Variants in KIAA1217 observed in about 807,000 individuals in gnomAD.
The protein encoded by KIAA1217 is sickle tail protein homolog.
A neutral mutation model predicts 163.9 loss-of-function variants in KIAA1217; 88 were observed. The ratio of observed to expected loss-of-function variants is 0.54; its 90% confidence interval spans 0.45 to 0.64. The LOEUF (loss-of-function observed/expected upper bound fraction) is 0.64. Among genes scored for constraint, KIAA1217 ranks in the 30% least tolerant of loss-of-function variants. The probability of loss-of-function intolerance (pLI) is 0.00; values close to 1 mark genes in which losing one functional copy is unlikely to be tolerated. For missense variants in KIAA1217, 2,372 were observed against 2,475.0 expected, an observed-to-expected ratio of 0.96 and a Z score of 0.88; for synonymous variants, 903 against 923.1, an observed-to-expected ratio of 0.98 and a Z score of 0.39.
At position 23,790,213 on chromosome 10, in the gene KIAA1217, A is replaced by ATATG. The variant is rs1835720921; in HGVS notation, c.-321+94979_-321+94980insTATG. 3.7e-4 allele frequency among the ~76,000 whole-genome samples: 13 copies of ATATG among 34,778 alleles called. 4 individuals are homozygous for ATATG. Among genetic ancestry groups the ATATG allele is most frequent in the Non-Finnish European group, 6.0e-4 (10 of 16,738 alleles). 22.8% of individuals were successfully genotyped at this position (34,778 alleles called of 152,430 possible). A position where few individuals can be genotyped will look rare whatever the true frequency, so the allele number is the denominator to read the frequency against. The stretch of plus-strand genomic sequence containing the variant: ...TATACACATATGCATATACACATAT[A>ATATG]CACATATGCATATGCACATATGCAT... On this transcript the variant is annotated intron_variant, in intron 1 of 18. Coordinates refer to the KIAA1217 transcript ENST00000376462.
At position 23,790,512 on chromosome 10, in the gene KIAA1217, T is replaced by TATATAC. The variant is rs1172015409; in HGVS notation, c.-321+95280_-321+95281insATACAT. Among the ~76,000 whole-genome samples the TATATAC allele has an allele frequency of 8.8e-4, 98 of 111,680 alleles. 7 individuals carry two copies. Among genetic ancestry groups the TATATAC allele is most frequent in the African/African-American group, 1.0e-3 (25 of 24,340 alleles). 73.3% of individuals were successfully genotyped at this position (111,680 alleles called of 152,430 possible). ...ACATATATACATGTGCATATATACA[T>TATATAC]ATGTATATATACATATATACATATA... On this transcript the variant is annotated intron_variant, in intron 1 of 18. Coordinates refer to the KIAA1217 transcript ENST00000376462.
intron 2 of KIAA1217, among the ~76,000 whole-genome samples, chr10:24,304,325 G>A (rs1225238178): frequency 6.6e-6 from 1 of 150,866 alleles, no homozygotes; most frequent in Non-Finnish European, 1.5e-5. Context: ...GATCTACTTG[G>A]GGCTTTATTT....
Position 24,372,578 on chromosome 10 carries a change from A to T in KIAA1217, c.355-8291A>T, listed in dbSNP as rs59018188. 9.4e-3 allele frequency among the ~76,000 whole-genome samples: 1,432 copies of T among 152,270 alleles called. 44 individuals carry two copies. In the East Asian group the frequency reaches 0.098, roughly 10 times the overall value. On this transcript the variant is annotated intron_variant, in intron 2 of 20. Coordinates refer to ENST00000376454, the MANE Select transcript of KIAA1217 (RefSeq NM_019590.5). ...GGTGACGGGATCAATTGTACCCCAGACCTCAGCATTTTGCAATATACCCAT... is the reference window on the plus strand; with the variant it reads ...GGTGACGGGATCAATTGTACCCCAGTCCTCAGCATTTTGCAATATACCCAT...
intron 1 of KIAA1217, among the ~76,000 whole-genome samples, chr10:23,892,919 G>T (rs10828568): frequency 0.23 from 35,047 of 151,840 alleles, 4,189 homozygotes; most frequent in Middle Eastern, 0.31. Context: ...AAACAACGTG[G>T]CATTGACGTC....
intron 1 of KIAA1217, among the ~76,000 whole-genome samples, chr10:23,980,238 G>A (rs1377114730): frequency 1.3e-5 from 2 of 152,172 alleles, no homozygotes; most frequent in Non-Finnish European, 2.9e-5. Context: ...GCTTGACTGA[G>A]CTCATGGTGG....
At chr10:24,176,872 G>C (rs77597155) in intron 2 of KIAA1217, among the ~76,000 whole-genome samples, 2 of 145,054 alleles carry the variant, frequency 1.4e-5, no homozygotes, top group African/African-American at 5.7e-5. Context: ...CCTGCCCCAC[G>C]GGGAGGCAGC....
chr10:24,433,614 C>T (rs747711907), intron 4 of KIAA1217, among the ~76,000 whole-genome samples: 38 of 152,148 alleles, frequency 2.5e-4, no homozygotes, highest in Admixed American at 3.9e-4. Context: ...AAACTAAGGC[C>T]CAAAAAGGTA....
chr10:23,887,774 C>CGGT (rs1564508258), intron 1 of KIAA1217, among the ~76,000 whole-genome samples: 7 of 151,878 alleles, frequency 4.6e-5, no homozygotes, highest in African/African-American at 1.7e-4. Flanking sequence ...AGATGGATTG[C>CGGT]AGTGGCACAA....
chr10:24,542,461 C>A (rs1190437952), intron 17 of KIAA1217: 16 of 1,371,862 alleles, frequency 1.2e-5, no homozygotes, highest in Non-Finnish European at 1.5e-5. Context: ...ATTTTAAATT[C>A]TTGAAATCTT....
At chr10:24,065,694 C>G (rs190818025) in intron 2 of KIAA1217, among the ~76,000 whole-genome samples, 23 of 152,152 alleles carry the variant, frequency 1.5e-4, no homozygotes, top group African/African-American at 4.8e-4. Context: ...TCCTGGATAC[C>G]CTTGTTAACT....
chr10:24,013,425 T>C (rs570665457), intron 2 of KIAA1217, among the ~76,000 whole-genome samples: 28 of 152,206 alleles, frequency 1.8e-4, no homozygotes, highest in Non-Finnish European at 3.2e-4. Context: ...AAAAAGGTTA[T>C]GCATTAATCA....
intron 2 of KIAA1217, among the ~76,000 whole-genome samples, chr10:24,291,559 C>G (rs1049033445): frequency 3.3e-5 from 5 of 152,132 alleles, no homozygotes; most frequent in African/African-American, 1.2e-4. Flanking sequence ...TCAATCATTT[C>G]ACTTCTACCT....
intron 2 of KIAA1217, among the ~76,000 whole-genome samples, chr10:24,374,775 T>A (rs929147152): frequency 2.6e-5 from 4 of 152,160 alleles, no homozygotes; most frequent in Non-Finnish European, 5.9e-5. Context: ...GTTCTTTTTT[T>A]AAATTTTGTA....
chr10:24,288,674 G>A (rs959136747), intron 2 of KIAA1217, among the ~76,000 whole-genome samples: 7 of 152,198 alleles, frequency 4.6e-5, no homozygotes, highest in African/African-American at 1.2e-4. Context: ...GGAAGGCTGA[G>A]GCTTGAAGAG....
At chr10:24,202,914 G>A (rs1196688141) in intron 2 of KIAA1217, among the ~76,000 whole-genome samples, 1 of 152,206 alleles carries the variant, frequency 6.6e-6, no homozygotes. Flanking sequence ...ACCGGGCCAG[G>A]GGCAGTGGCT....
chr10:23,826,574 T>C (rs546856910), intron 1 of KIAA1217, among the ~76,000 whole-genome samples: 20 of 152,276 alleles, frequency 1.3e-4, no homozygotes, highest in African/African-American at 3.6e-4. Flanking sequence ...TTATGACTCC[T>C]CCTCAGAGAT....
chr10:24,488,063 A>C (rs1455900350), intron 6 of KIAA1217, among the ~76,000 whole-genome samples: 1 of 152,232 alleles, frequency 6.6e-6, no homozygotes, highest in Non-Finnish European at 1.5e-5. Context: ...GCCAGGCTAC[A>C]GATAAAGAAA....
At chr10:23,958,566 A>C (rs1166201407) in intron 1 of KIAA1217, among the ~76,000 whole-genome samples, 1 of 152,236 alleles carries the variant, frequency 6.6e-6, no homozygotes, top group Non-Finnish European at 1.5e-5. Flanking sequence ...ATGCACATTT[A>C]ATATCAATTT....
intron 2 of KIAA1217, among the ~76,000 whole-genome samples, chr10:24,037,798 T>A (rs983993296): frequency 2.0e-5 from 3 of 152,268 alleles, no homozygotes; most frequent in Non-Finnish European, 4.4e-5. Flanking sequence ...TACTTCCTTA[T>A]TTTTGGACTC....
Sources: allele counts gnomAD v4.1 joint callset (sites outside exome capture counted in the v4.1 genomes callset), GRCh38; gene constraint gnomAD v4.1.1; transcripts MANE v1.5; gene names NCBI Gene and HGNC (gene_info 2026-07-23, HGNC 2026-07-21).